SEMA5A: variants seen among roughly 807,000 people sequenced by gnomAD.
SEMA5A encodes semaphorin-5A.
SEMA5A carries 55 observed loss-of-function variants against 135.5 expected under a neutral mutation model. The ratio of observed to expected loss-of-function variants is 0.41; its 90% CI spans 0.33 to 0.51. SEMA5A has a LOEUF of 0.51. SEMA5A is among the 20% of genes least tolerant of loss of function. The probability of loss-of-function intolerance (pLI) is 0.37; values close to 1 mark genes in which losing one functional copy is unlikely to be tolerated. For synonymous variants in SEMA5A, 580 were observed against 546.5 expected (o/e 1.06, Z -0.85); for missense variants, 1,290 against 1,419.9 (o/e 0.91, Z 1.47).
chr5:9,385,694 G>A (rs966360344), intron 2 of SEMA5A, among the ~76,000 whole-genome samples: 4 of 151,720 alleles, frequency 2.6e-5, no homozygotes, highest in Admixed American at 6.6e-5. Flanking sequence ...AGGCTGAAGC[G>A]ATTGCTGCAT....
intron 18 of SEMA5A, among the ~76,000 whole-genome samples, chr5:9,054,692 T>G (rs1264453229): frequency 6.6e-6 from 1 of 152,132 alleles, no homozygotes; most frequent in Non-Finnish European, 1.5e-5. Context: ...AGACAAGACT[T>G]AAAGCCAAGG....
At chr5:9,098,108 G>A (rs950092271) in intron 16 of SEMA5A, among the ~76,000 whole-genome samples, 2 of 151,992 alleles carry the variant, frequency 1.3e-5, no homozygotes, top group Admixed American at 1.3e-4. Flanking sequence ...GCTGACTGTG[G>A]TATCAAGTGC....
intron 1 of SEMA5A, among the ~76,000 whole-genome samples, chr5:9,495,827 T>C (rs1735274931): frequency 6.6e-6 from 1 of 152,248 alleles, no homozygotes; most frequent in South Asian, 2.1e-4. Context: ...CCCTCTTATT[T>C]ACTTAAACTC....
intron 3 of SEMA5A, among the ~76,000 whole-genome samples, chr5:9,378,048 T>A (rs534629135): frequency 6.6e-6 from 1 of 152,294 alleles, no homozygotes; most frequent in Non-Finnish European, 1.5e-5. Context: ...GTAAACTACA[T>A]GGATTAAAAT....
chr5:9,451,029 T>C (rs28657587), intron 1 of SEMA5A, among the ~76,000 whole-genome samples: 2,053 of 152,272 alleles, frequency 0.013, 42 homozygotes, highest in African/African-American at 0.046. Flanking sequence ...GACAAAACAA[T>C]GACGCAGAAA....
At chr5:9,211,451 G>A (rs1456539386) in intron 8 of SEMA5A, among the ~76,000 whole-genome samples, 2 of 152,132 alleles carry the variant, frequency 1.3e-5, no homozygotes, top group South Asian at 2.1e-4. Flanking sequence ...CAGCTGTAGC[G>A]AATCTTGTCA....
At chr5:9,314,319 T>A (rs956263966) in intron 5 of SEMA5A, among the ~76,000 whole-genome samples, 19 of 143,022 alleles carry the variant, frequency 1.3e-4, no homozygotes, top group Non-Finnish European at 2.3e-4. Context: ...CTGGTCCAAA[T>A]CCAAATGTGA....
intron 5 of SEMA5A, among the ~76,000 whole-genome samples, chr5:9,291,703 A>C (rs535491317): frequency 6.6e-6 from 1 of 151,990 alleles, no homozygotes; most frequent in African/African-American, 2.4e-5. Flanking sequence ...TGGAACCTCC[A>C]GTCCAAGCAG....
chr5:9,305,966 T>A (rs1751850224), intron 5 of SEMA5A, among the ~76,000 whole-genome samples: 1 of 152,168 alleles, frequency 6.6e-6, no homozygotes, highest in South Asian at 2.1e-4. Context: ...TTCTAACTGC[T>A]TCTTCCATTG....
chr5:9,054,768 G>A (rs1392497286), intron 18 of SEMA5A, among the ~76,000 whole-genome samples: 1 of 152,204 alleles, frequency 6.6e-6, no homozygotes, highest in Non-Finnish European at 1.5e-5. Flanking sequence ...CAGTGGGATA[G>A]AGAAAAGCTA....
intron 1 of SEMA5A, among the ~76,000 whole-genome samples, chr5:9,523,756 A>G (rs1736963723): frequency 6.6e-6 from 1 of 152,304 alleles, no homozygotes; most frequent in South Asian, 2.1e-4. Flanking sequence ...AGTTGGGATG[A>G]TCCTCAGGAG....
chr5:9,159,167 T>C (rs1743114619), intron 11 of SEMA5A, among the ~76,000 whole-genome samples: 1 of 152,188 alleles, frequency 6.6e-6, no homozygotes, highest in South Asian at 2.1e-4. Flanking sequence ...TAGGTGACGA[T>C]ATTGAGTTTT....
At chr5:9,463,734 G>T (rs1202099155) in intron 1 of SEMA5A, among the ~76,000 whole-genome samples, 1 of 152,146 alleles carries the variant, frequency 6.6e-6, no homozygotes, top group Non-Finnish European at 1.5e-5. Flanking sequence ...AAATGGCAAG[G>T]TGTATTGAAT....
chr5:9,119,838 AG>A (rs1740713192), intron 14 of SEMA5A, among the ~76,000 whole-genome samples: 1 of 152,214 alleles, frequency 6.6e-6, no homozygotes, highest in South Asian at 2.1e-4. Flanking sequence ...GCAAATAAGA[AG>A]TGCAAATTGC....
intron 1 of SEMA5A, among the ~76,000 whole-genome samples, chr5:9,444,906 AC>A (rs1262940941): frequency 2.0e-5 from 3 of 152,206 alleles, no homozygotes; most frequent in African/African-American, 7.2e-5. Context: ...CTGTGCACAG[AC>A]AAACAGGTTC....
At chr5:9,175,805 C>G (rs1292235821) in intron 11 of SEMA5A, among the ~76,000 whole-genome samples, 1 of 152,116 alleles carries the variant, frequency 6.6e-6, no homozygotes, top group African/African-American at 2.4e-5. Context: ...CTGTTTGCTC[C>G]AAGGAAAACC....
chr5:9,284,674 T>G (rs1750707453), intron 5 of SEMA5A, among the ~76,000 whole-genome samples: 1 of 152,094 alleles, frequency 6.6e-6, no homozygotes, highest in African/African-American at 2.4e-5. Context: ...AAATCACAAA[T>G]GAAACAAAAT....
intron 3 of SEMA5A, among the ~76,000 whole-genome samples, chr5:9,338,583 T>A (rs560450559): frequency 4.6e-5 from 7 of 152,324 alleles, no homozygotes; most frequent in African/African-American, 1.7e-4. Flanking sequence ...TAAAAAATAT[T>A]CAGTGAGTTG....
intron 5 of SEMA5A, among the ~76,000 whole-genome samples, chr5:9,295,978 CT>C (rs1245061193): frequency 2.0e-5 from 3 of 152,164 alleles, no homozygotes; most frequent in Non-Finnish European, 2.9e-5. Flanking sequence ...AAAAAAGACA[CT>C]TTGTCTCCAT....
Sources: gnomAD v4.1 joint callset for allele counts (sites outside exome capture counted in the v4.1 genomes callset) on GRCh38, gnomAD v4.1.1 for gene constraint, MANE v1.5 for transcripts, NCBI Gene and HGNC (gene_info 2026-07-23, HGNC 2026-07-21) for gene names.